The following CPNE8 variants were observed in gnomAD, a reference collection of about 807,000 sequenced individuals.
CPNE8 encodes copine 8.
Under a neutral mutation model 81.5 loss-of-function variants are expected in CPNE8, and 45 were observed. The ratio of observed to expected loss-of-function variants is 0.55; its 90% CI spans 0.44 to 0.71. CPNE8 has a LOEUF of 0.71. CPNE8 is among the 30% of genes least tolerant of loss of function. The probability of loss-of-function intolerance (pLI) is 0.00; values close to 1 mark genes in which losing one functional copy is unlikely to be tolerated. For missense variants in CPNE8, 594 were observed against 672.1 expected, an observed-to-expected ratio of 0.88 and a Z score of 1.28; for synonymous variants, 252 against 226.3, an observed-to-expected ratio of 1.11 and a Z score of -1.02.
At chr12:38,754,964 C>T (rs914161493) in intron 10 of CPNE8, among the ~76,000 whole-genome samples, 5 of 152,136 alleles carry the variant, frequency 3.3e-5, no homozygotes, top group Admixed American at 2.0e-4. Context: ...AAAATAAATA[C>T]GAAAAATATA....
rs533431629 is a variant in CPNE8, at chr12:38,839,170, G to C, written c.330+746C>G. Among the ~76,000 whole-genome samples, 18 of 152,110 alleles carry C rather than the reference G, an allele frequency of 1.2e-4. No individual in the cohort carries two copies. The South Asian group carries it at 2.1e-3, about 18-fold the overall frequency. ...ACCCTCATTCAGCCCTTCCTACTGG[G>C]GGTGGCCTAATTCCAATTTCACAGG... is the stretch of plus-strand genomic sequence containing the variant. On this transcript the variant is annotated intron_variant, in intron 5 of 19. Transcript: ENST00000331366.
intron 3 of CPNE8, among the ~76,000 whole-genome samples, chr12:38,859,796 G>A (rs1381470025): frequency 6.6e-6 from 1 of 152,086 alleles, no homozygotes; most frequent in Non-Finnish European, 1.5e-5. Flanking sequence ...TCTTCAACAA[G>A]GGTGTCAATG....
chr12:38,766,098 T>C (rs1941682195), intron 8 of CPNE8, among the ~76,000 whole-genome samples: 1 of 152,132 alleles, frequency 6.6e-6, no homozygotes, highest in Non-Finnish European at 1.5e-5. Context: ...GACCTCGTGA[T>C]CCGCCTGCCT....
chr12:38,803,418 C>T (rs1435612008), intron 6 of CPNE8, among the ~76,000 whole-genome samples: 1 of 150,124 alleles, frequency 6.7e-6, no homozygotes, highest in Non-Finnish European at 1.5e-5. Context: ...ACATGATTAT[C>T]TCAATAGATG....
At chr12:38,787,448 T>A (rs1419554767) in intron 6 of CPNE8, among the ~76,000 whole-genome samples, 5 of 137,982 alleles carry the variant, frequency 3.6e-5, no homozygotes, top group African/African-American at 1.4e-4. Flanking sequence ...ATACAGAAAA[T>A]GCAGTACTAA....
chr12:38,713,963 T>C (rs1054092977), intron 13 of CPNE8, among the ~76,000 whole-genome samples: 1 of 152,118 alleles, frequency 6.6e-6, no homozygotes, highest in East Asian at 1.9e-4. Context: ...TGCAACAAAA[T>C]TTGTGATCTG....
chr12:38,817,614 C>CTTTTTTTTTTT (rs869168296), intron 6 of CPNE8, among the ~76,000 whole-genome samples: 8 of 90,614 alleles, frequency 8.8e-5, no homozygotes, highest in South Asian at 8.8e-4. Context: ...TTAATTTATT[C>CTTTTTTTTTTT]TTTTTTTTTT....
At chr12:38,875,699 CACAA>C (rs1944056394) in intron 1 of CPNE8, among the ~76,000 whole-genome samples, 1 of 152,066 alleles carries the variant, frequency 6.6e-6, no homozygotes, top group African/African-American at 2.4e-5. Flanking sequence ...ACCAATGCAG[CACAA>C]ACAATGAAAT....
chr12:38,736,508 C>T (rs903623647), intron 10 of CPNE8, among the ~76,000 whole-genome samples: 2 of 41,506 alleles, frequency 4.8e-5, no homozygotes, highest in Admixed American at 3.7e-4. Context: ...TGTTTAGTTA[C>T]GCCAAATTAT....
At chr12:38,733,511 C>T (rs900597627) in intron 10 of CPNE8, among the ~76,000 whole-genome samples, 2 of 151,850 alleles carry the variant, frequency 1.3e-5, no homozygotes, top group Admixed American at 6.6e-5. Context: ...CCAATAATTT[C>T]CTTGTGATTC....
intron 1 of CPNE8, among the ~76,000 whole-genome samples, chr12:38,888,159 C>A (rs1430234988): frequency 6.6e-6 from 1 of 152,206 alleles, no homozygotes. Context: ...GCACCACTCC[C>A]AAAATATATT....
intron 8 of CPNE8, among the ~76,000 whole-genome samples, chr12:38,764,727 C>T (rs1941650355): frequency 6.6e-6 from 1 of 151,236 alleles, no homozygotes; most frequent in African/African-American, 2.4e-5. Context: ...AAGATACATT[C>T]ATAAAAATAA....
At chr12:38,750,036 T>C (rs1371561490) in intron 10 of CPNE8, among the ~76,000 whole-genome samples, 3 of 152,106 alleles carry the variant, frequency 2.0e-5, no homozygotes, top group African/African-American at 4.8e-5. Context: ...CCAGGGTCAC[T>C]GTGATGCTCT....
chr12:38,671,412 T>A (rs564074109), intron 18 of CPNE8, among the ~76,000 whole-genome samples: 1 of 152,160 alleles, frequency 6.6e-6, no homozygotes, highest in Non-Finnish European at 1.5e-5. Context: ...TTTTGTTGAT[T>A]AAGAAATAAT....
Position 38,905,588 on chromosome 12 carries a change from G to A in CPNE8, c.-54C>T, listed in dbSNP as rs1045072128. On this transcript the variant is annotated 5_prime_UTR_variant, in exon 1 of 20. Coordinates refer to ENST00000331366, the MANE Select transcript of CPNE8 (RefSeq NM_153634.3). Reference sequence around the variant, plus strand: ...GGCGCCCACAACCACAGCTCGGGCGGACTGAGGGCTAGCTCCCGTCAGGCG... The same window carrying A: ...GGCGCCCACAACCACAGCTCGGGCGAACTGAGGGCTAGCTCCCGTCAGGCG... 9 of 1,538,912 alleles carry A rather than the reference G, an allele frequency of 5.8e-6. No individual in the cohort carries two copies. Among genetic ancestry groups the A allele is most frequent in the South Asian group, 1.2e-5 (1 of 83,962 alleles).
chr12:38,794,737 C>T (rs1049314931), intron 6 of CPNE8, among the ~76,000 whole-genome samples: 1 of 151,502 alleles, frequency 6.6e-6, no homozygotes. Flanking sequence ...TAAAACAGTG[C>T]AATTGCTATA....
In CPNE8 at chr12:38,693,818, A is replaced by G; in HGVS notation, c.982T>C (p.Ser328Pro). 2 of 1,610,094 alleles carry G rather than the reference A, an allele frequency of 1.2e-6. No individual in the cohort carries two copies. The highest frequency in any genetic ancestry group is 1.7e-6 in the Non-Finnish European group (2 of 1,178,184). ...TGGTAAGGATTCATGTAGTGGAGGG[A>G]AGTGGGCTGAGCAGGGTTGCCTGAT... ...ASNGNPAQPT[S>P]LHYMNPYQLN... Residue 328 changes from serine to proline, a missense_variant, in exon 15 of 20, where the codon TCC (serine) becomes CCC (proline). Coordinates refer to ENST00000331366, the MANE Select transcript of CPNE8 (RefSeq NM_153634.3).
chr12:38,812,423 C>G (rs1942952987), intron 6 of CPNE8, among the ~76,000 whole-genome samples: 2 of 152,152 alleles, frequency 1.3e-5, no homozygotes, highest in Non-Finnish European at 2.9e-5. Context: ...GAAGGGGAAG[C>G]AAACACATCC....
chr12:38,745,370 A>G lies in CPNE8; in HGVS notation c.723-15012T>C, dbSNP rs943361316. 6.6e-5 allele frequency among the ~76,000 whole-genome samples: 10 copies of G among 152,290 alleles called. No homozygotes were observed. In the East Asian group the frequency reaches 1.9e-3, roughly 29 times the overall value. On this transcript the variant is annotated intron_variant, in intron 10 of 19. Coordinates refer to ENST00000331366, the MANE Select transcript of CPNE8 (RefSeq NM_153634.3). ...ATTATACCTCTCTCAGGAAACATCCATGCTTTGCCTGGTATTTTGTTCCTG... is the reference window on the plus strand; with the variant it reads ...ATTATACCTCTCTCAGGAAACATCCGTGCTTTGCCTGGTATTTTGTTCCTG...
Sources: gnomAD v4.1 joint callset for allele counts (sites outside exome capture counted in the v4.1 genomes callset) on GRCh38, gnomAD v4.1.1 for gene constraint, MANE v1.5 for transcripts, NCBI Gene and HGNC (gene_info 2026-07-23, HGNC 2026-07-21) for gene names.